Variants in NUP50 observed in about 807,000 individuals in gnomAD.
NUP50 encodes the protein nucleoporin 50.
In NUP50, 14 loss-of-function variants were observed where a neutral mutation model predicts 36.8. The observed-to-expected ratio is 0.38, with a 90% CI of 0.25 to 0.59. The LOEUF is 0.59. Ranked by LOEUF, NUP50 falls within the 20% of genes least tolerant of loss-of-function variation. The probability of loss-of-function intolerance (pLI) is 0.63; values close to 1 mark genes in which losing one functional copy is unlikely to be tolerated. For missense variants in NUP50, 455 were observed against 564.6 expected, an observed-to-expected ratio of 0.81 and a Z score of 1.97; for synonymous variants, 195 against 210.8, an observed-to-expected ratio of 0.93 and a Z score of 0.65.
intron 1 of NUP50, chr22:45,164,634 C>A (rs909826206): frequency 1.1e-5 from 1 of 90,796 alleles, no homozygotes; most frequent in South Asian, 3.6e-4. Flanking sequence ...GGGGGAGCGA[C>A]GGGTGGAGGG....
At chr22:45,171,539 T>C (rs1298485168) in intron 2 of NUP50, 61 bp from the exon 3 acceptor site, 2 of 1,425,696 alleles carry the variant, frequency 1.4e-6, no homozygotes, top group African/African-American at 2.8e-5. Flanking sequence ...TTGTTGTTGT[T>C]GAGGATTTTG....
chr22:45,184,716 GT>G lies in NUP50; in HGVS notation c.*63del. The G allele has an allele frequency of 1.2e-6, 1 of 859,514 alleles. No homozygotes were observed. The highest frequency in any genetic ancestry group is 1.6e-6 in the Non-Finnish European group (1 of 632,066). The allele number at this position is 859,514 out of a possible 1,614,324, so 53.2% of individuals were successfully genotyped here. On this transcript the variant is annotated 3_prime_UTR_variant, in exon 8 of 8. Transcript: ENST00000347635. The stretch of plus-strand genomic sequence containing the variant: ...GCTGCTGCTTCCACCGCCCCTTAAA[GT>G]TAGTCAGTTTTTCTTCTCTTCTTTG...
chr22:45,177,144 A>G (rs1357429677), intron 4 of NUP50, among the ~76,000 whole-genome samples: 1 of 152,090 alleles, frequency 6.6e-6, no homozygotes. Context: ...TAACTCTTAG[A>G]TAGGAAAAGT....
intron 3 of NUP50, among the ~76,000 whole-genome samples, chr22:45,174,240 C>A (rs1195032584): frequency 6.7e-6 from 1 of 149,760 alleles, no homozygotes; most frequent in East Asian, 2.0e-4. Context: ...TGCGGTGGCA[C>A]AATCTTGACT....
intron 1 of NUP50, among the ~76,000 whole-genome samples, chr22:45,165,499 C>T (rs1443137464): frequency 6.6e-6 from 1 of 152,240 alleles, no homozygotes; most frequent in African/African-American, 2.4e-5. Flanking sequence ...TTCCGCCTCC[C>T]TTAAGTTCTT....
At chr22:45,165,374 C>T (rs1263715409) in intron 1 of NUP50, among the ~76,000 whole-genome samples, 1 of 152,130 alleles carries the variant, frequency 6.6e-6, no homozygotes, top group Non-Finnish European at 1.5e-5. Context: ...TAGCTGGGAC[C>T]ACAGGCGTGC....
intron 5 of NUP50, chr22:45,179,234 C>A: frequency 4.4e-6 from 1 of 226,826 alleles, no homozygotes; most frequent in Non-Finnish European, 8.6e-6. Context: ...AAAAGTTCAT[C>A]AAGTTCATCA....
intron 4 of NUP50, chr22:45,177,730 G>C (rs1010575207): frequency 6.5e-6 from 1 of 153,180 alleles, no homozygotes; most frequent in African/African-American, 2.4e-5. Flanking sequence ...ATGGTGGTTA[G>C]TGTTCTTGTA....
chr22:45,167,187 C>A (rs1039089744), intron 1 of NUP50, among the ~76,000 whole-genome samples: 1 of 152,150 alleles, frequency 6.6e-6, no homozygotes, highest in Non-Finnish European at 1.5e-5. Context: ...CGAAGGAGTT[C>A]AGGCAGGTTT....
chr22:45,168,030 A>C (rs2074122403), intron 1 of NUP50, 138 bp from the exon 2 acceptor site: 1 of 657,494 alleles, frequency 1.5e-6, no homozygotes, highest in African/African-American at 1.9e-5. Context: ...TCATTAAAGC[A>C]GTTTCCAGAT....
rs1029699384 is a variant in NUP50 at position 45,184,750 on chromosome 22, A to G, written c.*95A>G. On this transcript the variant is annotated 3_prime_UTR_variant, in exon 8 of 8. Coordinates refer to ENST00000347635, the MANE Select transcript of NUP50 (RefSeq NM_007172.4). ...TTTTTCTTCTCTTCTTTGACATTCT[A>G]AGAACTTATAGATAACTTAAAACTT... 1.0e-5 allele frequency: 9 copies of G among 885,940 alleles called. No homozygotes were observed. Among genetic ancestry groups the G allele is most frequent in the South Asian group, 6.3e-5 (4 of 63,748 alleles). 54.9% of individuals were successfully genotyped at this position (885,940 alleles called of 1,614,324 possible).
intron 7 of NUP50, 26 bp from the exon 8 acceptor site, chr22:45,184,427 G>C: frequency 6.2e-7 from 1 of 1,605,884 alleles, no homozygotes; most frequent in South Asian, 1.1e-5. Flanking sequence ...CTATAATTTT[G>C]ATGGGTTTTG....
Position 45,178,190 on chromosome 22 carries a change from T to G in NUP50, c.341-48T>G, listed in dbSNP as rs775018822. 3.3e-6 allele frequency: 5 copies of G among 1,536,554 alleles called. No homozygotes were observed. The South Asian group carries it at 6.1e-5, about 19-fold the overall frequency. ...AGAGTGGCAAAAAAATCTAGATGATTTAATCAAATTAGGCTAAATAAATGG... is the reference window on the plus strand; with the variant it reads ...AGAGTGGCAAAAAAATCTAGATGATGTAATCAAATTAGGCTAAATAAATGG... On this transcript the variant is annotated intron_variant, in intron 4 of 7. Coordinates refer to ENST00000347635, the MANE Select transcript of NUP50 (RefSeq NM_007172.4).
chr22:45,181,719 CAG>C (rs2074376729), intron 6 of NUP50, among the ~76,000 whole-genome samples: 1 of 152,156 alleles, frequency 6.6e-6, no homozygotes, highest in African/African-American at 2.4e-5. Context: ...AAAGAAATCG[CAG>C]AGTCAGTCAG....
In NUP50 at chr22:45,184,766, C is replaced by T; in HGVS notation, c.*111C>T. On this transcript the variant is annotated 3_prime_UTR_variant, in exon 8 of 8. Transcript: ENST00000347635. ...TGACATTCTAAGAACTTATAGATAACTTAAAACTTTTGTGAGGAAGATTAA... is the reference window on the plus strand; with the variant it reads ...TGACATTCTAAGAACTTATAGATAATTTAAAACTTTTGTGAGGAAGATTAA... The T allele has an allele frequency of 1.3e-6, 1 of 775,038 alleles. No individual in the cohort carries two copies. The highest frequency in any genetic ancestry group is 2.1e-6 in the Non-Finnish European group (1 of 471,362). 48.0% of individuals were successfully genotyped at this position (775,038 alleles called of 1,614,324 possible).
chr22:45,170,238 G>T (rs6007487), intron 2 of NUP50, among the ~76,000 whole-genome samples: 26 of 151,882 alleles, frequency 1.7e-4, no homozygotes, highest in African/African-American at 6.0e-4. Context: ...GCCGGTCTCC[G>T]TGTCTTGGTG....
At chr22:45,165,437 T>A (rs2074080434) in intron 1 of NUP50, among the ~76,000 whole-genome samples, 3 of 152,350 alleles carry the variant, frequency 2.0e-5, no homozygotes, top group Admixed American at 2.0e-4. Context: ...TATGTCCATC[T>A]TTATTTTCGT....
rs2072102653 is a variant in NUP50 at position 45,186,394 on chromosome 22, T to C, written c.*1739T>C. 6.6e-6 allele frequency: 1 copy of C among 152,168 alleles called. No homozygotes were observed. The allele number at this position is 152,168 out of a possible 1,614,324, so 9.4% of individuals were successfully genotyped here. A position where few individuals can be genotyped will look rare whatever the true frequency, so the allele number is the denominator to read the frequency against. On this transcript the variant is annotated 3_prime_UTR_variant, in exon 8 of 8. Transcript: ENST00000347635. ...TGCTGTTAATACCGGCCCCACCCGA[T>C]TGACATTAAGTTTATTCAGCTTTTA...
chr22:45,184,359 G>A, intron 7 of NUP50, 94 bp from the exon 8 acceptor site: 8 of 1,153,954 alleles, frequency 6.9e-6, no homozygotes, highest in Non-Finnish European at 1.0e-5. Flanking sequence ...GATGTATTAA[G>A]TTATTTCAGC....
Sources: gnomAD v4.1 joint callset for allele counts (sites outside exome capture counted in the v4.1 genomes callset) on GRCh38, gnomAD v4.1.1 for gene constraint, MANE v1.5 for transcripts, NCBI Gene and HGNC (gene_info 2026-07-23, HGNC 2026-07-21) for gene names.